Variants in GLI2 observed in about 807,000 individuals in gnomAD.
The protein encoded by GLI2 is GLI family zinc finger 2, also known as transcription activator GLI2.
In GLI2, 22 loss-of-function variants were observed where a neutral mutation model predicts 78.9. The ratio of observed to expected loss-of-function variants is 0.28; its 90% confidence interval spans 0.20 to 0.40. The LOEUF is 0.40. GLI2 is among the 10% of genes least tolerant of loss of function. The pLI is 1.00. For synonymous variants in GLI2, 974 were observed against 963.7 expected (o/e 1.01, Z -0.20); for missense variants, 2,097 against 2,213.2 (o/e 0.95, Z 1.05).
At position 120,989,835 on chromosome 2, in the gene GLI2, A is replaced by G; in HGVS notation, c.3870A>G (p.Ser1290=). Residue 1290 remains serine, a synonymous_variant, in exon 14 of 14, where the codon TCA becomes TCG. Coordinates refer to ENST00000361492, the MANE Select transcript of GLI2 (RefSeq NM_001374353.1). ...ACAGGGAACTTGGGGTCCCCGATTC[A>G]GCCCTGGCTGGAGTGCCACCACCTC... is the stretch of plus-strand genomic sequence containing the variant. ...NRHRELGVPD[S]ALAGVPPPHP... is the part of the protein sequence containing the mutation. 6.2e-7 allele frequency: 1 copy of G among 1,612,322 alleles called. No individual in the cohort carries two copies. Among genetic ancestry groups the G allele is most frequent in the Admixed American group, 1.7e-5 (1 of 59,966 alleles).
At chr2:120,791,202 C>G (rs1280824209) in intron 1 of GLI2, among the ~76,000 whole-genome samples, 1 of 152,196 alleles carries the variant, frequency 6.6e-6, no homozygotes, top group Non-Finnish European at 1.5e-5. Flanking sequence ...TCCTGGGGAA[C>G]CCTTACGTTC....
At chr2:120,919,583 C>T (rs147952781) in intron 2 of GLI2, among the ~76,000 whole-genome samples, 1,666 of 152,320 alleles carry the variant, frequency 0.011, 26 homozygotes, top group African/African-American at 0.037. Context: ...GGGGCCCACC[C>T]GGTGGGTGCA....
rs913204552 is a variant in GLI2, at chr2:120,863,689, G to A, written c.149-63672G>A. ...ATTTTTTATGGGAAAATGCATTTAA[G>A]TTCCAAATCATTGATTTATAATATG... On this transcript the variant is annotated intron_variant, in intron 2 of 13. Coordinates refer to ENST00000361492, the MANE Select transcript of GLI2 (RefSeq NM_001374353.1). Among the ~76,000 whole-genome samples the A allele has an allele frequency of 7.9e-5, 12 of 152,192 alleles. No individual in the cohort carries two copies. The East Asian group carries it at 2.1e-3, about 27-fold the overall frequency.
intron 2 of GLI2, among the ~76,000 whole-genome samples, chr2:120,879,303 G>A (rs1201265410): frequency 1.3e-5 from 2 of 152,208 alleles, no homozygotes; most frequent in Non-Finnish European, 2.9e-5. Flanking sequence ...CTTAGTGGCT[G>A]CAGCTGAGTG....
chr2:120,984,819 C>T (rs1412729179), intron 12 of GLI2, 76 bp downstream of exon 12: 32 of 1,498,652 alleles, frequency 2.1e-5, no homozygotes, highest in Admixed American at 5.1e-5. Flanking sequence ...GCCACGGTTG[C>T]GGGCTCTGCC....
At chr2:120,964,407 C>A (rs573670365) in intron 5 of GLI2, among the ~76,000 whole-genome samples, 21 of 152,270 alleles carry the variant, frequency 1.4e-4, no homozygotes, top group African/African-American at 4.6e-4. Flanking sequence ...ATCTTATTTC[C>A]AAGTTGAAAA....
intron 13 of GLI2, among the ~76,000 whole-genome samples, chr2:120,988,007 C>G (rs1179449097): frequency 6.6e-6 from 1 of 152,196 alleles, no homozygotes; most frequent in Admixed American, 6.5e-5. Flanking sequence ...GAGGGAGGAT[C>G]CCTTGAGCCC....
intron 4 of GLI2, among the ~76,000 whole-genome samples, chr2:120,954,855 C>T (rs1318030807): frequency 4.6e-5 from 7 of 152,188 alleles, no homozygotes; most frequent in Admixed American, 2.0e-4. Context: ...CTGGCCCAGC[C>T]GCGTGCCGCT....
chr2:120,988,241 G>T lies in GLI2; in HGVS notation c.2276G>T (p.Gly759Val). 6.3e-7 allele frequency: 1 copy of T among 1,584,686 alleles called. No individual in the cohort carries two copies. Residue 759 changes from glycine to valine, a missense_variant, in exon 14 of 14, where the codon GGC becomes GTC. This residue lies in a region of GLI2 where 1,290 missense variants were observed against 1,261.7 expected (regional missense o/e 1.02). Transcript: ENST00000361492. Reference protein sequence around the residue: ...SILENFSGSGGGGPAGLLPNP... With the variant: ...SILENFSGSGVGGPAGLLPNP... Reference sequence around the variant, plus strand: ...CTGGAAAACTTCAGTGGCAGTGGGGGCGGCGGGCCCGCGGGGCTGCTGCCG... The same window carrying T: ...CTGGAAAACTTCAGTGGCAGTGGGGTCGGCGGGCCCGCGGGGCTGCTGCCG...
intron 2 of GLI2, among the ~76,000 whole-genome samples, chr2:120,909,213 G>T (rs535549911): frequency 6.6e-6 from 1 of 152,134 alleles, no homozygotes; most frequent in African/African-American, 2.4e-5. Context: ...TTCCTGGTTG[G>T]GTCCCACAGA....
intron 3 of GLI2, among the ~76,000 whole-genome samples, chr2:120,935,885 G>T (rs184304689): frequency 1.3e-5 from 2 of 152,180 alleles, no homozygotes; most frequent in Non-Finnish European, 2.9e-5. Context: ...TTTACTGAAC[G>T]CCAAAGCCCT....
chr2:120,761,506 G>C (rs1167504274), intron 1 of GLI2, among the ~76,000 whole-genome samples: 1 of 152,214 alleles, frequency 6.6e-6, no homozygotes, highest in African/African-American at 2.4e-5. Flanking sequence ...AGACAAGGTG[G>C]ACAGAGGAAT....
chr2:120,990,490 T>C lies in GLI2; in HGVS notation c.4525T>C (p.Ser1509Pro), dbSNP rs556121868. 6.2e-7 allele frequency: 1 copy of C among 1,613,996 alleles called. No individual in the cohort carries two copies. The highest frequency in any genetic ancestry group is 8.5e-7 in the Non-Finnish European group (1 of 1,180,002). The stretch of plus-strand genomic sequence containing the variant: ...TGATGGCGATCACTCGAGTTTGTTC[T>C]CGGGTGCTCTGAGCCCCAGCCTCCT... ...MDDGDHSSLF[S>P]GALSPSLLHS... is the part of the protein sequence containing the mutation. The change falls in exon 14 of 14, where the codon TCG (serine) becomes CCG (proline). Residue 1509 changes from serine (S) to proline (P), a missense_variant. Around this residue, in one of 5 missense-constraint regions of GLI2, gnomAD observed 1,290 missense variants for 1,261.7 expected, o/e 1.02. Coordinates refer to ENST00000361492, the MANE Select transcript of GLI2 (RefSeq NM_001374353.1).
At chr2:120,892,809 A>G (rs375149061) in intron 2 of GLI2, among the ~76,000 whole-genome samples, 1 of 152,152 alleles carries the variant, frequency 6.6e-6, no homozygotes, top group Non-Finnish European at 1.5e-5. Flanking sequence ...GGGGTGTGCC[A>G]TTGTCCCTGA....
Position 120,799,306 on chromosome 2 carries a change from T to A in GLI2, c.148+1838T>A, listed in dbSNP as rs561790721. ...CACCCCGCAGGCCCTTGTTGTCTGA[T>A]CGCAGGGTGGCTTGGCTGGTGAGGT... On this transcript the variant is annotated intron_variant, in intron 2 of 13. Coordinates refer to ENST00000361492, the MANE Select transcript of GLI2 (RefSeq NM_001374353.1). Among the ~76,000 whole-genome samples the A allele has an allele frequency of 2.0e-5, 3 of 152,308 alleles. No individual in the cohort carries two copies. The South Asian group carries it at 6.2e-4, about 32-fold the overall frequency.
intron 2 of GLI2, among the ~76,000 whole-genome samples, chr2:120,926,655 TATC>T (rs1348631196): frequency 6.6e-6 from 1 of 152,184 alleles, no homozygotes; most frequent in Admixed American, 6.5e-5. Flanking sequence ...ATCCTACAAT[TATC>T]ATGATGATTT....
At chr2:120,870,193 C>T (rs1688357337) in intron 2 of GLI2, among the ~76,000 whole-genome samples, 1 of 152,132 alleles carries the variant, frequency 6.6e-6, no homozygotes, top group Non-Finnish European at 1.5e-5. Flanking sequence ...CTTTTCTTTC[C>T]TCCTGTACGC....
At chr2:120,878,356 G>C (rs1688865026) in intron 2 of GLI2, among the ~76,000 whole-genome samples, 1 of 152,188 alleles carries the variant, frequency 6.6e-6, no homozygotes, top group Admixed American at 6.5e-5. Context: ...CAAAAAATTA[G>C]GTCCAGGAAG....
intron 2 of GLI2, among the ~76,000 whole-genome samples, chr2:120,926,240 C>CT (rs1378524947): frequency 2.0e-5 from 3 of 150,280 alleles, no homozygotes; most frequent in Non-Finnish European, 4.4e-5. Flanking sequence ...TTGTCTGTTT[C>CT]TTTTTTGGTT....
Sources: allele counts gnomAD v4.1 joint callset (sites outside exome capture counted in the v4.1 genomes callset), GRCh38; gene constraint gnomAD v4.1.1; regional missense constraint gnomAD v4.1.1; transcripts MANE v1.5; gene names NCBI Gene and HGNC (gene_info 2026-07-23, HGNC 2026-07-21).